Variants in PUM2 observed in about 807,000 individuals in gnomAD.
PUM2 encodes pumilio homolog 2.
PUM2 carries 57 observed loss-of-function variants against 124.5 expected under a neutral mutation model. The observed-to-expected ratio is 0.46, with a 90% CI of 0.37 to 0.57. The LOEUF (loss-of-function observed/expected upper bound fraction) is 0.57, where lower values mean the gene tolerates loss of function less well. Among genes scored for constraint, PUM2 ranks in the 20% least tolerant of loss-of-function variants. PUM2 has a pLI of 0.00. For synonymous variants in PUM2, 460 were observed against 446.1 expected, an observed-to-expected ratio of 1.03 and a Z score of -0.39; for missense variants, 1,065 against 1,290.6, an observed-to-expected ratio of 0.83 and a Z score of 2.68.
At chr2:20,266,093 T>TA (rs955229525) in intron 13 of PUM2, among the ~76,000 whole-genome samples, 7 of 152,172 alleles carry the variant, frequency 4.6e-5, no homozygotes, top group African/African-American at 1.7e-4. Flanking sequence ...CCTTGAATTT[T>TA]AAAAAACCAT....
intron 1 of PUM2, among the ~76,000 whole-genome samples, chr2:20,343,723 C>A (rs1490858656): frequency 6.6e-6 from 1 of 152,108 alleles, no homozygotes; most frequent in African/African-American, 2.4e-5. Flanking sequence ...GCAACAAATT[C>A]GAGACTAGCC....
chr2:20,250,301 T>A lies in PUM2; in HGVS notation c.*1284A>T, dbSNP rs1419186800. The A allele has an allele frequency of 3.9e-5, 6 of 152,452 alleles. No individual in the cohort carries two copies. The highest frequency in any genetic ancestry group is 5.9e-5 in the Non-Finnish European group (4 of 68,012). The allele number at this position is 152,452 out of a possible 1,614,324, so 9.4% of individuals were successfully genotyped here. On this transcript the variant is annotated 3_prime_UTR_variant, in exon 21 of 21. Transcript: ENST00000361078. ...AAACCATATAAAGATAAAAAATTTT[T>A]AAAAAATCACTCTCGATTTGGAGAA...
Position 20,278,641 on chromosome 2 carries a change from A to C in PUM2, c.1899T>G (p.His633Gln). The C allele has an allele frequency of 1.2e-6, 2 of 1,613,582 alleles. No homozygotes were observed. Among genetic ancestry groups the C allele is most frequent in the Non-Finnish European group, 1.7e-6 (2 of 1,179,696 alleles). The change falls in exon 13 of 21, where the codon CAT (histidine) becomes CAG (glutamine). Residue 633 changes from histidine to glutamine, a missense_variant. Around this residue, in one of 3 missense-constraint regions of PUM2, gnomAD observed 968 missense variants for 1,159.8 expected, o/e 0.83. Coordinates refer to ENST00000361078, the MANE Select transcript of PUM2 (RefSeq NM_015317.5). ...AAAGTGATGGCGGTGGCGTAAGTGA[A>C]TGTCCTGGAGTTTGGCTTGGCAGAG... ...GMPLPSQTPG[H>Q]SLTPPPSLSS...
chr2:20,285,949 A>G (rs1672616294), intron 10 of PUM2, among the ~76,000 whole-genome samples: 1 of 152,176 alleles, frequency 6.6e-6, no homozygotes, highest in Non-Finnish European at 1.5e-5. Context: ...AACTGGGAGA[A>G]CTAGTCAAGC....
At chr2:20,253,689 G>C in intron 20 of PUM2, 133 bp downstream of exon 20, 2 of 845,300 alleles carry the variant, frequency 2.4e-6, no homozygotes, top group Non-Finnish European at 3.5e-6. Context: ...CAATATATCT[G>C]CCAAAGGATA....
intron 7 of PUM2, among the ~76,000 whole-genome samples, chr2:20,300,904 CG>C (rs1676819356): frequency 6.6e-6 from 1 of 152,088 alleles, no homozygotes; most frequent in South Asian, 2.1e-4. Context: ...GAGAAAAAAG[CG>C]TATCTGATTT....
At position 20,350,589 on chromosome 2, in the gene PUM2, T is replaced by C. The variant is rs1689161621; in HGVS notation, c.-19+8A>G. 4 of 985,280 alleles carry C rather than the reference T, an allele frequency of 4.1e-6. No individual in the cohort carries two copies. Among genetic ancestry groups the C allele is most frequent in the Admixed American group, 6.1e-5 (1 of 16,270 alleles). The allele number at this position is 985,280 out of a possible 1,614,324, so 61.0% of individuals were successfully genotyped here. ...GACCGGAGAAAGAGCGAACGCGGAC[T>C]GACTTACAGGGCTGCTGCGGCCGCG... is the stretch of plus-strand genomic sequence containing the variant. On this transcript the variant is annotated splice_region_variant and intron_variant, in intron 1 of 20. Coordinates refer to ENST00000361078, the MANE Select transcript of PUM2 (RefSeq NM_015317.5).
At chr2:20,298,501 G>C (rs1676184335) in intron 7 of PUM2, among the ~76,000 whole-genome samples, 1 of 152,158 alleles carries the variant, frequency 6.6e-6, no homozygotes, top group Admixed American at 6.5e-5. Flanking sequence ...CAGATGTTGA[G>C]GAATCACTGT....
intron 2 of PUM2, 22 bp downstream of exon 2, chr2:20,327,286 TTC>T (rs1315859024): frequency 6.8e-7 from 1 of 1,466,184 alleles, no homozygotes; most frequent in Admixed American, 1.8e-5. Context: ...GAGGTGTAAG[TTC>T]TTAGTATTTG....
intron 15 of PUM2, among the ~76,000 whole-genome samples, chr2:20,259,874 C>G (rs536592578): frequency 6.6e-6 from 1 of 152,306 alleles, no homozygotes; most frequent in African/African-American, 2.4e-5. Flanking sequence ...AGCAGCTACA[C>G]CATTTTACAT....
intron 13 of PUM2, among the ~76,000 whole-genome samples, chr2:20,268,349 G>A (rs1309332252): frequency 6.6e-6 from 1 of 152,110 alleles, no homozygotes; most frequent in Non-Finnish European, 1.5e-5. Context: ...CGGTGGCTCA[G>A]GCCTGTAATC....
intron 13 of PUM2, among the ~76,000 whole-genome samples, chr2:20,275,006 T>C (rs1417600575): frequency 9.6e-6 from 1 of 103,826 alleles, no homozygotes; most frequent in African/African-American, 3.5e-5. Flanking sequence ...CAATGATGTA[T>C]AAAACAACTG....
intron 13 of PUM2, among the ~76,000 whole-genome samples, chr2:20,264,224 C>G (rs1233849239): frequency 6.7e-6 from 1 of 148,566 alleles, no homozygotes. Context: ...GTAATCCCAG[C>G]TACTCAGGAG....
chr2:20,248,777 A>G lies in PUM2; in HGVS notation c.*2808T>C, dbSNP rs139552356. The G allele has an allele frequency of 2.0e-5, 3 of 152,776 alleles. No individual in the cohort carries two copies. The highest frequency in any genetic ancestry group is 1.9e-4 in the East Asian group (1 of 5,190). The allele number at this position is 152,776 out of a possible 1,614,324, so 9.5% of individuals were successfully genotyped here. On this transcript the variant is annotated 3_prime_UTR_variant, in exon 21 of 21. Coordinates refer to ENST00000361078, the MANE Select transcript of PUM2 (RefSeq NM_015317.5). ...GTTATTCACACATTTTTCATTTTCT[A>G]ATTTATACATAATATACAAAGAAGT...
chr2:20,296,898 T>C (rs531125700), intron 8 of PUM2, among the ~76,000 whole-genome samples: 2 of 152,286 alleles, frequency 1.3e-5, no homozygotes, highest in East Asian at 3.9e-4. Flanking sequence ...TTTTTGTTGT[T>C]GTTTTCATTT....
intron 14 of PUM2, among the ~76,000 whole-genome samples, chr2:20,262,919 G>A (rs189840925): frequency 3.3e-5 from 5 of 152,220 alleles, no homozygotes; most frequent in African/African-American, 9.6e-5. Flanking sequence ...GTAATACAGA[G>A]CCGATGTAAT....
intron 13 of PUM2, among the ~76,000 whole-genome samples, chr2:20,276,152 C>T (rs1670202915): frequency 6.6e-6 from 1 of 151,764 alleles, no homozygotes; most frequent in Admixed American, 6.6e-5. Flanking sequence ...AAATTAACAC[C>T]CCAAAACTAT....
At chr2:20,252,258 A>T (rs1287078646) in intron 20 of PUM2, among the ~76,000 whole-genome samples, 1 of 152,190 alleles carries the variant, frequency 6.6e-6, no homozygotes, top group Non-Finnish European at 1.5e-5. Flanking sequence ...ATCTCTACAA[A>T]ATATAAACAA....
In PUM2 at chr2:20,253,894, C is replaced by A. The variant is rs1359192031; in HGVS notation, c.2991G>T (p.Gln997His). The A allele has an allele frequency of 6.2e-7, 1 of 1,614,024 alleles. No homozygotes were observed. ...TCTTTTGAACCACGTAATTGGCATA[C>A]TGGTCCTTCATCATGGTGTATAAGG... The part of the protein sequence containing the change: ...HSALYTMMKD[Q>H]YANYVVQKMI... Residue 997 changes from glutamine (Q) to histidine (H), a missense_variant, in exon 20 of 21, where the codon CAG becomes CAT. This residue lies in a region of PUM2 where 968 missense variants were observed against 1,159.8 expected (regional missense o/e 0.83). Transcript: ENST00000361078.
Sources: gnomAD v4.1 joint callset for allele counts (sites outside exome capture counted in the v4.1 genomes callset) on GRCh38, gnomAD v4.1.1 for gene constraint, gnomAD v4.1.1 regional missense constraint, MANE v1.5 for transcripts, NCBI Gene and HGNC (gene_info 2026-07-23, HGNC 2026-07-21) for gene names.